Variants in ITGAE observed in about 807,000 individuals in gnomAD.
ITGAE encodes the protein integrin alpha-E.
In ITGAE, 99 loss-of-function variants were observed where a neutral mutation model predicts 136.5. The observed-to-expected ratio is 0.73, with a 90% CI of 0.62 to 0.86. ITGAE has a LOEUF of 0.86. ITGAE is among the 40% of genes least tolerant of loss of function. The pLI is 0.00. For missense variants in ITGAE, 1,447 were observed against 1,515.3 expected (o/e 0.95, Z 0.75); for synonymous variants, 613 against 591.8 (o/e 1.04, Z -0.52).
At chr17:3,777,768 GC>G in intron 1 of ITGAE, 108 bp from the exon 2 acceptor site, 2 of 1,292,564 alleles carry the variant, frequency 1.5e-6, no homozygotes, top group South Asian at 1.4e-5. Context: ...AAGTGAGACT[GC>G]CCAGGGATCT....
At chr17:3,723,498 T>A in intron 27 of ITGAE, 115 bp from the exon 28 acceptor site, 1 of 996,214 alleles carries the variant, frequency 1.0e-6, no homozygotes, top group Non-Finnish European at 1.6e-6. Flanking sequence ...TGTGAGCAAT[T>A]TCAGCGCTCA....
At chr17:3,724,312 G>T in intron 26 of ITGAE, 1 of 1,588,276 alleles carries the variant, frequency 6.3e-7, no homozygotes, top group African/African-American at 1.3e-5. Flanking sequence ...CCGCAGAAGT[G>T]CAGCACACCC....
At position 3,748,047 on chromosome 17, in the gene ITGAE, C is replaced by G; in HGVS notation, c.2030G>C (p.Arg677Pro). Residue 677 changes from arginine (R) to proline (P), a missense_variant, in exon 17 of 31, where the codon CGG (arginine) becomes CCG (proline). Physicochemically the swap from Arg to Pro is moderately radical, Grantham distance 103. Transcript: ENST00000263087. ...TLGQAVVFRS[R>P]PVVRLKVSMA... ...GGAGACCTTCAGGCGAACCACAGGCCGGGAGCTAAACAAGACAGCAAAGAG... is the reference window on the plus strand; with the variant it reads ...GGAGACCTTCAGGCGAACCACAGGCGGGGAGCTAAACAAGACAGCAAAGAG... The G allele has an allele frequency of 1.9e-6, 3 of 1,610,494 alleles. No homozygotes were observed. The highest frequency in any genetic ancestry group is 2.5e-6 in the Non-Finnish European group (3 of 1,177,976).
chr17:3,726,333 G>C, intron 26 of ITGAE: 1 of 1,597,240 alleles, frequency 6.3e-7, no homozygotes, highest in Non-Finnish European at 8.6e-7. Context: ...GTTTAAGTAA[G>C]CTAAATGTAT....
chr17:3,797,979 C>T (rs2053161981), intron 1 of ITGAE, among the ~76,000 whole-genome samples: 1 of 152,190 alleles, frequency 6.6e-6, no homozygotes, highest in Admixed American at 6.5e-5. Context: ...CTCCCCCAGG[C>T]CGGCACTCAG....
rs556461033 is a variant in ITGAE, at chr17:3,751,077, G to A, written c.1893+573C>T. Reference sequence around the variant, plus strand: ...GTGCTGAGGACTGTCTGAGGTTTCCGGTGTGGGGTGTGGAGGGGGATGAGG... The same window carrying A: ...GTGCTGAGGACTGTCTGAGGTTTCCAGTGTGGGGTGTGGAGGGGGATGAGG... On this transcript the variant is annotated intron_variant, in intron 15 of 30. Transcript: ENST00000263087. Among the ~76,000 whole-genome samples the A allele has an allele frequency of 1.8e-4, 28 of 152,090 alleles. 1 individual carries two copies. Among genetic ancestry groups the A allele is most frequent in the African/African-American group, 6.3e-4 (26 of 41,476 alleles).
chr17:3,738,554 A>G (rs1035711525), intron 20 of ITGAE, among the ~76,000 whole-genome samples: 3 of 152,196 alleles, frequency 2.0e-5, no homozygotes, highest in African/African-American at 7.2e-5. Flanking sequence ...GTGTGGTCCA[A>G]TAGAACGTCT....
chr17:3,770,891 C>T (rs1201031952), intron 2 of ITGAE, among the ~76,000 whole-genome samples: 5 of 152,050 alleles, frequency 3.3e-5, no homozygotes, highest in Non-Finnish European at 7.4e-5. Flanking sequence ...GGAGCTGAGG[C>T]GTGGGGTCGC....
At position 3,774,877 on chromosome 17, in the gene ITGAE, C is replaced by T. The variant is rs578151757; in HGVS notation, c.155+2663G>A. ...TTTCCACCAGAGCTTCTCCTAACTGCAGACACACTCCTACATCAGCACGCG... is the reference window on the plus strand; with the variant it reads ...TTTCCACCAGAGCTTCTCCTAACTGTAGACACACTCCTACATCAGCACGCG... On this transcript the variant is annotated intron_variant, in intron 2 of 30. Transcript: ENST00000263087. Among the ~76,000 whole-genome samples, 10 of 152,298 alleles carry T rather than the reference C, an allele frequency of 6.6e-5. No individual in the cohort carries two copies. The South Asian group carries it at 2.1e-3, about 32-fold the overall frequency.
At chr17:3,759,331 A>G (rs1330206764) in intron 8 of ITGAE, 71 bp downstream of exon 8, 1 of 1,558,016 alleles carries the variant, frequency 6.4e-7, no homozygotes, top group East Asian at 2.3e-5. Flanking sequence ...CTGGCCAGCC[A>G]CTTCCTCCAT....
At chr17:3,782,274 CAAA>C (rs61341691) in intron 1 of ITGAE, among the ~76,000 whole-genome samples, 4 of 47,262 alleles carry the variant, frequency 8.5e-5, no homozygotes, top group Admixed American at 8.5e-4. Flanking sequence ...GACTCGGCCT[CAAA>C]AAAAAAAAAA....
In ITGAE at chr17:3,750,441, G is replaced by A. The variant is rs371911996; in HGVS notation, c.1935C>T (p.Phe645=). The A allele has an allele frequency of 8.2e-5, 132 of 1,614,066 alleles. No individual in the cohort carries two copies. Among genetic ancestry groups the A allele is most frequent in the Middle Eastern group, 3.3e-4 (2 of 6,084 alleles). ...CAAAGCCACCAGCCATGGACATGCC[G>A]AAGTACTGGAGTCCTGGGGCCACCG... ...ASTVAPGLQY[F]GMSMAGGFDI... is the part of the protein sequence containing the mutation. Residue 645 remains phenylalanine, a synonymous_variant, in exon 16 of 31, where the codon TTC becomes TTT. Coordinates refer to ENST00000263087, the MANE Select transcript of ITGAE (RefSeq NM_002208.5).
chr17:3,719,446 C>A (rs1358689215), intron 29 of ITGAE, among the ~76,000 whole-genome samples: 1 of 152,072 alleles, frequency 6.6e-6, no homozygotes, highest in Non-Finnish European at 1.5e-5. Context: ...TCAGAGCTCA[C>A]AGATAGATCA....
At chr17:3,716,563 G>A (rs531366243) in intron 30 of ITGAE, 125 bp downstream of exon 30, 41 of 666,566 alleles carry the variant, frequency 6.2e-5, no homozygotes, top group Middle Eastern at 2.5e-4. Context: ...AGTTGAAGGA[G>A]GAGAAAAAAG....
At chr17:3,778,740 C>G (rs1233418128) in intron 1 of ITGAE, among the ~76,000 whole-genome samples, 2 of 152,110 alleles carry the variant, frequency 1.3e-5, no homozygotes, top group African/African-American at 4.8e-5. Context: ...CCTTATTTGG[C>G]CTTTCCATGA....
Position 3,723,674 on chromosome 17 carries a change from A to C in ITGAE, c.3141+14T>G. ...CTCCGCCCTCCCCTGGCCTCTCGGG[A>C]CGGCCGCGCTTACCTGAACCGAACT... is the stretch of plus-strand genomic sequence containing the variant. On this transcript the variant is annotated intron_variant, in intron 27 of 30. Transcript: ENST00000263087. 1 of 1,579,010 alleles carries C rather than the reference A, an allele frequency of 6.3e-7. No homozygotes were observed. Among genetic ancestry groups the C allele is most frequent in the African/African-American group, 1.3e-5 (1 of 74,236 alleles).
At chr17:3,729,627 C>T in intron 23 of ITGAE, 72 bp from the exon 24 acceptor site, 1 of 995,356 alleles carries the variant, frequency 1.0e-6, no homozygotes, top group South Asian at 1.3e-5. Flanking sequence ...AAGGGCTTCG[C>T]TCTGTTGCCC....
chr17:3,759,114 G>A (rs2052100255), intron 8 of ITGAE, among the ~76,000 whole-genome samples: 1 of 139,114 alleles, frequency 7.2e-6, no homozygotes, highest in East Asian at 2.1e-4. Flanking sequence ...GACAGAGCAA[G>A]ACTCCATCTC....
At chr17:3,753,663 C>A in intron 13 of ITGAE, 120 bp downstream of exon 13, 1 of 1,324,098 alleles carries the variant, frequency 7.6e-7, no homozygotes, top group Non-Finnish European at 1.0e-6. Context: ...CACTCAGGAG[C>A]CTGAGTTTCA....
Sources: allele counts gnomAD v4.1 joint callset (sites outside exome capture counted in the v4.1 genomes callset), GRCh38; gene constraint gnomAD v4.1.1; transcripts MANE v1.5; gene names NCBI Gene and HGNC (gene_info 2026-07-23, HGNC 2026-07-21).